The following BMPR1B variants were observed in gnomAD, a reference collection of about 807,000 sequenced individuals.
BMPR1B encodes bone morphogenetic protein receptor type 1B.
In BMPR1B, 12 loss-of-function variants were observed where a neutral mutation model predicts 59.1. That is an observed-to-expected ratio of 0.20 (90% confidence interval 0.13 to 0.33). The LOEUF is 0.33. Ranked by LOEUF, BMPR1B falls within the 10% of genes least tolerant of loss-of-function variation. The pLI is 1.00. For missense variants in BMPR1B, 550 were observed against 610.9 expected, an observed-to-expected ratio of 0.90 and a Z score of 1.05; for synonymous variants, 237 against 207.3, an observed-to-expected ratio of 1.14 and a Z score of -1.23.
chr4:94,852,195 A>G (rs573385529), intron 1 of BMPR1B, among the ~76,000 whole-genome samples: 4 of 152,290 alleles, frequency 2.6e-5, no homozygotes, highest in African/African-American at 7.2e-5. Context: ...ATACACTAGC[A>G]TGGCTCTCTT....
chr4:94,778,825 C>A (rs1408174745), intron 1 of BMPR1B, among the ~76,000 whole-genome samples: 1 of 152,046 alleles, frequency 6.6e-6, no homozygotes, highest in African/African-American at 2.4e-5. Flanking sequence ...CCTCTGCCAA[C>A]TTTGTGAAGT....
chr4:95,047,538 A>G (rs1726141959), intron 3 of BMPR1B, among the ~76,000 whole-genome samples: 2 of 152,176 alleles, frequency 1.3e-5, no homozygotes, highest in African/African-American at 2.4e-5. Context: ...GTCTTCAGTC[A>G]TGTTAACCTC....
chr4:95,092,293 A>G (rs546511477), intron 3 of BMPR1B, among the ~76,000 whole-genome samples: 7 of 152,254 alleles, frequency 4.6e-5, no homozygotes, highest in Non-Finnish European at 1.0e-4. Context: ...TTAGTAATTC[A>G]TATCATTTTT....
chr4:94,943,345 G>A (rs1244060006), intron 2 of BMPR1B, among the ~76,000 whole-genome samples: 1 of 152,042 alleles, frequency 6.6e-6, no homozygotes, highest in East Asian at 1.9e-4. Flanking sequence ...CTCCATATTG[G>A]TCAGGCTGGT....
At chr4:94,795,892 A>G (rs754021219) in intron 1 of BMPR1B, among the ~76,000 whole-genome samples, 10 of 152,136 alleles carry the variant, frequency 6.6e-5, no homozygotes, top group African/African-American at 9.7e-5. Context: ...TTCATACTGC[A>G]TTTGTAAAAG....
intron 3 of BMPR1B, among the ~76,000 whole-genome samples, chr4:95,096,775 TTATA>T (rs1484722172): frequency 2.9e-5 from 3 of 103,060 alleles, no homozygotes; most frequent in Non-Finnish European, 4.0e-5. Context: ...CTATGTATAG[TTATA>T]TATAACTATA....
At chr4:94,872,328 T>C (rs1578745366) in intron 1 of BMPR1B, among the ~76,000 whole-genome samples, 2 of 152,324 alleles carry the variant, frequency 1.3e-5, no homozygotes, top group Non-Finnish European at 2.9e-5. Flanking sequence ...TTAAATACCC[T>C]CTAAACATAT....
intron 1 of BMPR1B, among the ~76,000 whole-genome samples, chr4:94,823,021 A>AT (rs1345034825): frequency 4.6e-5 from 7 of 152,256 alleles, no homozygotes; most frequent in African/African-American, 1.4e-4. Context: ...CAAAAAATAA[A>AT]TTTTTTCAAG....
At chr4:95,094,889 A>T (rs1730250964) in intron 3 of BMPR1B, among the ~76,000 whole-genome samples, 1 of 152,098 alleles carries the variant, frequency 6.6e-6, no homozygotes, top group African/African-American at 2.4e-5. Context: ...CTGTGTAGGT[A>T]ACATCACAGT....
Position 95,152,672 on chromosome 4 carries a change from C to T in BMPR1B, c.1282C>T (p.His428Tyr). 1 of 1,574,382 alleles carries T rather than the reference C, an allele frequency of 6.4e-7. No individual in the cohort carries two copies. The highest frequency in any genetic ancestry group is 8.6e-7 in the Non-Finnish European group (1 of 1,159,062). ...AGTGGAAGAATACCAGCTTCCTTAT[C>T]ATGACCTAGTGCCCAGTGACCCCTC... is the stretch of plus-strand genomic sequence containing the variant. ...GIVEEYQLPY[H>Y]DLVPSDPSYE... The change falls in exon 12 of 13, where the codon CAT becomes TAT. Residue 428 changes from histidine (H) to tyrosine (Y), a missense_variant. By Grantham distance (83) the His-to-Tyr change is moderately conservative. Around this residue, in one of 6 missense-constraint regions of BMPR1B, gnomAD observed 123 missense variants for 164.6 expected, o/e 0.75. Coordinates refer to ENST00000515059, the MANE Select transcript of BMPR1B (RefSeq NM_001203.3).
Position 94,830,293 on chromosome 4 carries a change from C to T in BMPR1B, c.-182-45538C>T, listed in dbSNP as rs368976020. On this transcript the variant is annotated intron_variant, in intron 1 of 12. Transcript: ENST00000515059. Reference sequence around the variant, plus strand: ...ATTCAGAAAAGTTAATGTTTTAACACGATATGTGATTATAGAATTCTATTC... The same window carrying T: ...ATTCAGAAAAGTTAATGTTTTAACATGATATGTGATTATAGAATTCTATTC... 5.9e-5 allele frequency among the ~76,000 whole-genome samples: 9 copies of T among 152,028 alleles called. No individual in the cohort carries two copies. The South Asian group carries it at 8.3e-4, about 14-fold the overall frequency.
At chr4:95,048,908 C>T (rs1726233247) in intron 3 of BMPR1B, among the ~76,000 whole-genome samples, 2 of 152,016 alleles carry the variant, frequency 1.3e-5, no homozygotes, top group Non-Finnish European at 2.9e-5. Context: ...TCATTGTTGG[C>T]ACCTAGCATA....
At chr4:94,969,166 C>T (rs1462529140) in intron 2 of BMPR1B, among the ~76,000 whole-genome samples, 2 of 152,058 alleles carry the variant, frequency 1.3e-5, no homozygotes. Context: ...TCCCAAGTAG[C>T]TGGGACTACA....
chr4:94,847,283 A>G (rs545219604), intron 1 of BMPR1B, among the ~76,000 whole-genome samples: 2 of 152,354 alleles, frequency 1.3e-5, no homozygotes, highest in South Asian at 2.1e-4. Context: ...AACAGGCAGT[A>G]ACAAATGCTG....
intron 3 of BMPR1B, among the ~76,000 whole-genome samples, chr4:95,015,668 G>A (rs1346520002): frequency 1.6e-4 from 24 of 151,750 alleles, no homozygotes; most frequent in South Asian, 1.5e-3. Context: ...AATTACAGGC[G>A]TGAATCACCA....
intron 1 of BMPR1B, among the ~76,000 whole-genome samples, chr4:94,771,695 T>C (rs2110572773): frequency 6.6e-6 from 1 of 152,338 alleles, no homozygotes; most frequent in Non-Finnish European, 1.5e-5. Flanking sequence ...ACTGGCAGTG[T>C]ATTTTAAGAG....
At chr4:95,093,848 G>C (rs1489188443) in intron 3 of BMPR1B, among the ~76,000 whole-genome samples, 4 of 152,016 alleles carry the variant, frequency 2.6e-5, no homozygotes, top group African/African-American at 9.7e-5. Flanking sequence ...TTTAAAATTA[G>C]TGTGTCTCTT....
chr4:95,137,340 A>G (rs914158554), intron 10 of BMPR1B, among the ~76,000 whole-genome samples: 10 of 152,310 alleles, frequency 6.6e-5, no homozygotes, highest in Non-Finnish European at 1.3e-4. Flanking sequence ...TATGTGGTCA[A>G]TTTTGGAATA....
chr4:94,920,385 G>A (rs1472495833), intron 2 of BMPR1B, among the ~76,000 whole-genome samples: 2 of 152,102 alleles, frequency 1.3e-5, no homozygotes, highest in Non-Finnish European at 2.9e-5. Context: ...TACAGCTAGT[G>A]CTCAGTTTCT....
Sources: allele counts gnomAD v4.1 joint callset (sites outside exome capture counted in the v4.1 genomes callset), GRCh38; gene constraint gnomAD v4.1.1; regional missense constraint gnomAD v4.1.1; transcripts MANE v1.5; gene names NCBI Gene and HGNC (gene_info 2026-07-23, HGNC 2026-07-21).